The following PDGFD variants were observed in gnomAD, a reference collection of about 807,000 sequenced individuals.
PDGFD encodes the protein platelet derived growth factor D.
Under a neutral mutation model 44.7 loss-of-function variants are expected in PDGFD, and 30 were observed. The observed-to-expected ratio is 0.67, with a 90% CI of 0.50 to 0.91. PDGFD has a LOEUF of 0.91. PDGFD is among the 40% of genes least tolerant of loss of function. The pLI is 0.00. For synonymous variants in PDGFD, 173 were observed against 168.4 expected (o/e 1.03, Z -0.21); for missense variants, 445 against 457.8 (o/e 0.97, Z 0.25).
chr11:104,126,582 T>C (rs1298614870), intron 1 of PDGFD, among the ~76,000 whole-genome samples: 1 of 152,128 alleles, frequency 6.6e-6, no homozygotes, highest in Non-Finnish European at 1.5e-5. Flanking sequence ...GAAATAAACA[T>C]AATTAGGATG....
intron 3 of PDGFD, among the ~76,000 whole-genome samples, chr11:103,977,758 T>G (rs1186204512): frequency 6.6e-6 from 1 of 151,356 alleles, no homozygotes; most frequent in Non-Finnish European, 1.5e-5. Flanking sequence ...ATAAAAGGAG[T>G]GGGGATGGGG....
chr11:103,912,398 G>A (rs886390847), intron 6 of PDGFD, among the ~76,000 whole-genome samples: 2 of 152,134 alleles, frequency 1.3e-5, no homozygotes, highest in African/African-American at 2.4e-5. Flanking sequence ...AAGTGAAGGA[G>A]AAATAAAATC....
chr11:104,135,123 A>G (rs1051160740), intron 1 of PDGFD, among the ~76,000 whole-genome samples: 1 of 147,732 alleles, frequency 6.8e-6, no homozygotes, highest in African/African-American at 2.5e-5. Context: ...TAAATAGACA[A>G]TCACACTTAG....
chr11:104,116,910 C>T (rs1285949699), intron 1 of PDGFD, among the ~76,000 whole-genome samples: 1 of 151,972 alleles, frequency 6.6e-6, no homozygotes, highest in Non-Finnish European at 1.5e-5. Flanking sequence ...TTTCACCACC[C>T]TCCATGATTC....
intron 3 of PDGFD, among the ~76,000 whole-genome samples, chr11:103,953,585 C>T (rs1251113604): frequency 1.3e-5 from 2 of 152,058 alleles, no homozygotes; most frequent in African/African-American, 4.8e-5. Flanking sequence ...GATGTGTGTA[C>T]ACATATTACA....
At chr11:104,049,352 G>A (rs1860489977) in intron 1 of PDGFD, among the ~76,000 whole-genome samples, 1 of 152,104 alleles carries the variant, frequency 6.6e-6, no homozygotes, top group Non-Finnish European at 1.5e-5. Flanking sequence ...ACTTAAAGCA[G>A]GAAGAAACTA....
chr11:104,160,261 C>G (rs1862370504), intron 1 of PDGFD, among the ~76,000 whole-genome samples: 1 of 152,082 alleles, frequency 6.6e-6, no homozygotes, highest in Admixed American at 6.5e-5. Flanking sequence ...TTATACTAAC[C>G]AAAGAGAACT....
At chr11:104,068,718 A>G (rs1251700955) in intron 1 of PDGFD, among the ~76,000 whole-genome samples, 1 of 152,188 alleles carries the variant, frequency 6.6e-6, no homozygotes, top group East Asian at 1.9e-4. Flanking sequence ...ATTTGGATGT[A>G]ATTTTAAAAT....
At chr11:104,036,366 CCTACGAGGTCGAGG>C (rs1233702267) in intron 1 of PDGFD, among the ~76,000 whole-genome samples, 1 of 152,060 alleles carries the variant, frequency 6.6e-6, no homozygotes, top group Non-Finnish European at 1.5e-5. Context: ...ACTGCTTGAG[CCTACGAGGTCGAGG>C]CTACAGTGAG....
At chr11:104,153,556 G>A (rs1355193838) in intron 1 of PDGFD, among the ~76,000 whole-genome samples, 1 of 152,122 alleles carries the variant, frequency 6.6e-6, no homozygotes, top group Non-Finnish European at 1.5e-5. Flanking sequence ...TCTAAAATGT[G>A]ATATAGGATC....
chr11:103,985,869 G>A (rs1859355275), intron 3 of PDGFD, among the ~76,000 whole-genome samples: 2 of 152,266 alleles, frequency 1.3e-5, no homozygotes, highest in South Asian at 4.2e-4. Flanking sequence ...GGGGGAGACA[G>A]GAGGGAGGGA....
At chr11:103,973,372 C>A (rs1859132251) in intron 3 of PDGFD, among the ~76,000 whole-genome samples, 1 of 150,830 alleles carries the variant, frequency 6.6e-6, no homozygotes, top group Non-Finnish European at 1.5e-5. Flanking sequence ...TGGTCTCGAT[C>A]TCCCGACCTC....
chr11:103,984,252 C>A (rs1859318590), intron 3 of PDGFD, among the ~76,000 whole-genome samples: 2 of 151,742 alleles, frequency 1.3e-5, no homozygotes, highest in Non-Finnish European at 1.5e-5. Context: ...ACACCACATC[C>A]TTTGCAGGGA....
chr11:103,932,839 A>C (rs909189467), intron 5 of PDGFD, among the ~76,000 whole-genome samples: 6 of 152,252 alleles, frequency 3.9e-5, no homozygotes, highest in African/African-American at 1.2e-4. Flanking sequence ...AGGAATGCAT[A>C]GAGTATTATT....
intron 1 of PDGFD, among the ~76,000 whole-genome samples, chr11:104,045,985 C>G (rs1386753): frequency 0.54 from 78,261 of 145,436 alleles, 25,153 homozygotes; most frequent in Admixed American, 0.65. Flanking sequence ...GGGGGGCAAG[C>G]AGAGGAAGAT....
At chr11:104,052,018 T>G (rs1838069718) in intron 1 of PDGFD, among the ~76,000 whole-genome samples, 1 of 151,872 alleles carries the variant, frequency 6.6e-6, no homozygotes, top group Non-Finnish European at 1.5e-5. Context: ...TTGCTCCACA[T>G]TCCCCGTTCC....
At chr11:104,122,155 T>C (rs1861786459) in intron 1 of PDGFD, among the ~76,000 whole-genome samples, 2 of 151,158 alleles carry the variant, frequency 1.3e-5, no homozygotes, top group African/African-American at 2.4e-5. Flanking sequence ...ACTGTAAACA[T>C]AGACAAGCAA....
chr11:103,964,148 T>C (rs1018457059), intron 3 of PDGFD, among the ~76,000 whole-genome samples: 1 of 152,218 alleles, frequency 6.6e-6, no homozygotes, highest in African/African-American at 2.4e-5. Flanking sequence ...AAGTGATCAA[T>C]GTCACATTTG....
At chr11:104,052,102 C>T (rs534863040) in intron 1 of PDGFD, among the ~76,000 whole-genome samples, 9 of 152,178 alleles carry the variant, frequency 5.9e-5, no homozygotes, top group East Asian at 1.9e-4. Flanking sequence ...TTATTTAAGC[C>T]GAGCCATACA....
Sources: allele counts gnomAD v4.1 joint callset (sites outside exome capture counted in the v4.1 genomes callset), GRCh38; gene constraint gnomAD v4.1.1; transcripts MANE v1.5; gene names NCBI Gene and HGNC (gene_info 2026-07-23, HGNC 2026-07-21).